PKNOX2: variants seen among roughly 807,000 people sequenced by gnomAD.
The protein encoded by PKNOX2 is homeobox protein PKNOX2.
In PKNOX2, 14 loss-of-function variants were observed where a neutral mutation model predicts 53.1. That is an observed-to-expected ratio of 0.26 (90% CI 0.17 to 0.41). The LOEUF (loss-of-function observed/expected upper bound fraction) is 0.41. PKNOX2 is among the 10% of genes least tolerant of loss of function. PKNOX2 has a pLI of 1.00. For synonymous variants in PKNOX2, 257 were observed against 242.8 expected, an observed-to-expected ratio of 1.06 and a Z score of -0.54; for missense variants, 496 against 602.8, an observed-to-expected ratio of 0.82 and a Z score of 1.85.
chr11:125,293,352 T>C (rs1947433348), intron 2 of PKNOX2, among the ~76,000 whole-genome samples: 1 of 152,140 alleles, frequency 6.6e-6, no homozygotes, highest in Admixed American at 6.6e-5. Context: ...GGCAAGCGGG[T>C]GAAATGTAGC....
In PKNOX2 at chr11:125,410,913, TGGGCTAG is replaced by T. The variant is rs908897894; in HGVS notation, c.816+40_816+46del. The T allele has an allele frequency of 2.6e-6, 4 of 1,565,106 alleles. No individual in the cohort carries two copies. In the African/African-American group the frequency reaches 5.4e-5, roughly 21 times the overall value. On this transcript the variant is annotated intron_variant, in intron 9 of 12. Coordinates refer to ENST00000298282, the MANE Select transcript of PKNOX2 (RefSeq NM_001382323.2). Reference sequence around the variant, plus strand: ...TAGGTGTGTGCACATGTGCATGGTGTGGGCTAGGGCACCTGTAATCGCTTCTTATCTG... The same window carrying T: ...TAGGTGTGTGCACATGTGCATGGTGTGGCACCTGTAATCGCTTCTTATCTG...
rs551297187 is a variant in PKNOX2, at chr11:125,279,343, C to T, written c.-130+44228C>T. On this transcript the variant is annotated intron_variant, in intron 2 of 12. Coordinates refer to ENST00000298282, the MANE Select transcript of PKNOX2 (RefSeq NM_001382323.2). ...ATCTACCCTGCACTCAGCCCTGCTTCCATGAAGCTCAAAACCTAGCGGGGA... is the reference window on the plus strand; with the variant it reads ...ATCTACCCTGCACTCAGCCCTGCTTTCATGAAGCTCAAAACCTAGCGGGGA... Among the ~76,000 whole-genome samples the T allele has an allele frequency of 3.9e-5, 6 of 152,344 alleles. No individual in the cohort carries two copies. The South Asian group carries it at 8.3e-4, about 21-fold the overall frequency.
At chr11:125,304,109 G>A (rs934308110) in intron 2 of PKNOX2, among the ~76,000 whole-genome samples, 5 of 152,164 alleles carry the variant, frequency 3.3e-5, no homozygotes, top group Non-Finnish European at 7.3e-5. Context: ...TGATGGATCC[G>A]GGAAACACCT....
intron 2 of PKNOX2, among the ~76,000 whole-genome samples, chr11:125,321,690 A>G (rs1409583289): frequency 6.6e-6 from 1 of 152,218 alleles, no homozygotes; most frequent in East Asian, 1.9e-4. Flanking sequence ...GTGTTCTAAT[A>G]AAACTTTAAT....
At chr11:125,269,817 G>A (rs554227150) in intron 2 of PKNOX2, among the ~76,000 whole-genome samples, 9 of 152,294 alleles carry the variant, frequency 5.9e-5, no homozygotes, top group Non-Finnish European at 1.2e-4. Flanking sequence ...TCACGGGGTC[G>A]GGGGCGGTTG....
chr11:125,198,841 CTT>C (rs1455609130), intron 1 of PKNOX2, among the ~76,000 whole-genome samples: 2 of 96,150 alleles, frequency 2.1e-5, no homozygotes, highest in Non-Finnish European at 2.5e-5. Flanking sequence ...TCTTCTTCTT[CTT>C]TTTTTTTTTT....
intron 3 of PKNOX2, among the ~76,000 whole-genome samples, chr11:125,334,374 C>T (rs964092650): frequency 1.3e-5 from 2 of 152,158 alleles, no homozygotes; most frequent in African/African-American, 4.8e-5. Flanking sequence ...GAGCTGATTC[C>T]ATACTCAGGG....
rs548779470 is a variant in PKNOX2, at chr11:125,423,811, C to A, written c.937-5201C>A. Among the ~76,000 whole-genome samples, 15 of 152,166 alleles carry A rather than the reference C, an allele frequency of 9.9e-5. No individual in the cohort carries two copies. The South Asian group carries it at 3.1e-3, about 32-fold the overall frequency. On this transcript the variant is annotated intron_variant, in intron 10 of 12. Coordinates refer to ENST00000298282, the MANE Select transcript of PKNOX2 (RefSeq NM_001382323.2). Reference sequence around the variant, plus strand: ...GGATGGGGAGGAGGTTAAGAAGGACCCATCTTGCTGGCATTGTGAAGCATA... The same window carrying A: ...GGATGGGGAGGAGGTTAAGAAGGACACATCTTGCTGGCATTGTGAAGCATA...
intron 2 of PKNOX2, among the ~76,000 whole-genome samples, chr11:125,298,199 G>A (rs79305203): frequency 0.049 from 7,463 of 152,184 alleles, 609 homozygotes; most frequent in African/African-American, 0.17. Context: ...GGTTACCCCT[G>A]GGGCTGTGGA....
At chr11:125,209,987 T>C (rs931185551) in intron 1 of PKNOX2, among the ~76,000 whole-genome samples, 36 of 152,112 alleles carry the variant, frequency 2.4e-4, no homozygotes, top group African/African-American at 8.0e-4. Context: ...CCAGGATGCA[T>C]GCTGACCATC....
At chr11:125,315,303 G>GAAAAAAAAAAAAA (rs534448203) in intron 2 of PKNOX2, among the ~76,000 whole-genome samples, 1 of 79,454 alleles carries the variant, frequency 1.3e-5, no homozygotes, top group African/African-American at 3.9e-5. Context: ...TGTGAAGCAG[G>GAAAAAAAAAAAAA]AAAAAAAAAA....
At chr11:125,226,212 T>C (rs1941677419) in intron 1 of PKNOX2, among the ~76,000 whole-genome samples, 1 of 152,154 alleles carries the variant, frequency 6.6e-6, no homozygotes, top group Admixed American at 6.5e-5. Flanking sequence ...CCTCCAAAGA[T>C]TTATTGGTGT....
At chr11:125,298,094 G>A (rs1947780159) in intron 2 of PKNOX2, among the ~76,000 whole-genome samples, 1 of 152,218 alleles carries the variant, frequency 6.6e-6, no homozygotes, top group Non-Finnish European at 1.5e-5. Flanking sequence ...AGGGCACTGG[G>A]CAAGCAGTCG....
rs567828179 is a variant in PKNOX2 at position 125,412,435 on chromosome 11, G to A, written c.936+570G>A. ...CTGCAGCAGCTCCTTTTATAAAATG[G>A]CACACTACCTCGGGTTGCAGTGGAG... On this transcript the variant is annotated intron_variant, in intron 10 of 12. Transcript: ENST00000298282. 2.2e-4 allele frequency among the ~76,000 whole-genome samples: 33 copies of A among 152,318 alleles called. 1 individual carries two copies. Among genetic ancestry groups the A allele is most frequent in the African/African-American group, 4.3e-4 (18 of 41,550 alleles).
chr11:125,323,312 G>C lies in PKNOX2; in HGVS notation c.-129-8507G>C, dbSNP rs151302627. On this transcript the variant is annotated intron_variant, in intron 2 of 12. Coordinates refer to ENST00000298282, the MANE Select transcript of PKNOX2 (RefSeq NM_001382323.2). ...CTTCACAAACAGCCTAGGGAGAAAG[G>C]CATTTTAAATAAAATGCTTTTTACC... 9.2e-5 allele frequency among the ~76,000 whole-genome samples: 14 copies of C among 152,262 alleles called. 1 individual carries two copies. The highest frequency in any genetic ancestry group is 2.9e-4 in the African/African-American group (12 of 41,536).
At chr11:125,219,158 G>A (rs1274190860) in intron 1 of PKNOX2, among the ~76,000 whole-genome samples, 2 of 152,176 alleles carry the variant, frequency 1.3e-5, no homozygotes, top group Non-Finnish European at 2.9e-5. Context: ...AGTAGCCCAG[G>A]CATGGTGGCT....
At chr11:125,408,848 C>T (rs1591561228) in intron 7 of PKNOX2, among the ~76,000 whole-genome samples, 1 of 152,192 alleles carries the variant, frequency 6.6e-6, no homozygotes, top group East Asian at 1.9e-4. Flanking sequence ...AAACCCTAGA[C>T]TTGCCCTGGA....
At chr11:125,401,248 A>T (rs1479407190) in intron 7 of PKNOX2, among the ~76,000 whole-genome samples, 2 of 152,200 alleles carry the variant, frequency 1.3e-5, no homozygotes, top group Non-Finnish European at 2.9e-5. Context: ...ACACAAACCC[A>T]GGAAAAGGGA....
intron 2 of PKNOX2, among the ~76,000 whole-genome samples, chr11:125,288,342 G>T (rs1947052455): frequency 6.6e-6 from 1 of 152,182 alleles, no homozygotes; most frequent in African/African-American, 2.4e-5. Flanking sequence ...CACTTGGGAA[G>T]GGGTCCAGGC....
Sources: allele counts gnomAD v4.1 joint callset (sites outside exome capture counted in the v4.1 genomes callset), GRCh38; gene constraint gnomAD v4.1.1; transcripts MANE v1.5; gene names NCBI Gene and HGNC (gene_info 2026-07-23, HGNC 2026-07-21).